SGMS1: variants seen among roughly 807,000 people sequenced by gnomAD.
SGMS1 encodes sphingomyelin synthase 1, also known as phosphatidylcholine:ceramide cholinephosphotransferase 1.
Under a neutral mutation model 46.2 loss-of-function variants are expected in SGMS1, and 13 were observed. The ratio of observed to expected loss-of-function variants is 0.28; its 90% CI spans 0.18 to 0.45. The LOEUF is 0.45. Ranked by LOEUF, SGMS1 falls within the 20% of genes least tolerant of loss-of-function variation. The probability of loss-of-function intolerance (pLI) is 1.00; values close to 1 mark genes in which losing one functional copy is unlikely to be tolerated. For synonymous variants in SGMS1, 203 were observed against 187.8 expected, an observed-to-expected ratio of 1.08 and a Z score of -0.66; for missense variants, 324 against 519.9, an observed-to-expected ratio of 0.62 and a Z score of 3.66.
intron 2 of SGMS1, among the ~76,000 whole-genome samples, chr10:50,576,006 A>G (rs1462203816): frequency 6.6e-6 from 1 of 152,104 alleles, no homozygotes; most frequent in African/African-American, 2.4e-5. Flanking sequence ...CACCAACCTC[A>G]GCGGCATCTG....
chr10:50,381,686 T>G (rs552304985), intron 6 of SGMS1, among the ~76,000 whole-genome samples: 1 of 152,282 alleles, frequency 6.6e-6, no homozygotes, highest in East Asian at 1.9e-4. Context: ...TTAACATTAA[T>G]AAAAGCCAAC....
At chr10:50,552,688 C>T (rs148247077) in intron 2 of SGMS1, among the ~76,000 whole-genome samples, 5 of 152,192 alleles carry the variant, frequency 3.3e-5, no homozygotes, top group Admixed American at 6.5e-5. Flanking sequence ...CCCCGTCCCC[C>T]GCCAAAAGAT....
At chr10:50,384,425 CCCTCTTCCTCCCTCTTT>C (rs1848652029) in intron 6 of SGMS1, among the ~76,000 whole-genome samples, 1 of 150,210 alleles carries the variant, frequency 6.7e-6, no homozygotes, top group African/African-American at 2.5e-5. Flanking sequence ...TTTCTCCTTT[CCCTCTTCCTCCCTCTTT>C]CCTCTCTTTC....
intron 6 of SGMS1, among the ~76,000 whole-genome samples, chr10:50,351,730 A>G (rs898381705): frequency 6.6e-6 from 1 of 152,224 alleles, no homozygotes; most frequent in African/African-American, 2.4e-5. Flanking sequence ...CTCCCTAGCC[A>G]TGTGGAACTG....
At chr10:50,557,685 CAAA>C (rs5784835) in intron 2 of SGMS1, among the ~76,000 whole-genome samples, 23 of 114,856 alleles carry the variant, frequency 2.0e-4, no homozygotes, top group Non-Finnish European at 2.0e-4. Context: ...ACTCTAACAG[CAAA>C]AAAAAAAAAA....
At chr10:50,616,056 T>C (rs1838793762) in intron 1 of SGMS1, among the ~76,000 whole-genome samples, 2 of 152,246 alleles carry the variant, frequency 1.3e-5, no homozygotes, top group African/African-American at 4.8e-5. Context: ...CACTTTGCTT[T>C]TCTGACTCTT....
chr10:50,623,047 C>A (rs540312907), intron 1 of SGMS1, among the ~76,000 whole-genome samples: 1 of 152,238 alleles, frequency 6.6e-6, no homozygotes, highest in East Asian at 1.9e-4. Context: ...GCGGGGGCAG[C>A]CCTGCGGGGT....
intron 5 of SGMS1, among the ~76,000 whole-genome samples, chr10:50,449,196 C>T (rs1367094412): frequency 6.6e-6 from 1 of 152,134 alleles, no homozygotes; most frequent in African/African-American, 2.4e-5. Flanking sequence ...TTTTGAGGTT[C>T]CGTTAGTTGA....
chr10:50,321,662 C>T (rs999163014), intron 8 of SGMS1, among the ~76,000 whole-genome samples: 2 of 152,172 alleles, frequency 1.3e-5, no homozygotes, highest in Non-Finnish European at 2.9e-5. Context: ...GCACACCATC[C>T]AACAGGATGG....
At chr10:50,328,147 G>A in intron 7 of SGMS1, 1 of 301,724 alleles carries the variant, frequency 3.3e-6, no homozygotes, top group South Asian at 2.8e-5. Flanking sequence ...CATGTATATT[G>A]AGTTAGATAA....
At chr10:50,557,184 T>C (rs1056242826) in intron 2 of SGMS1, among the ~76,000 whole-genome samples, 1 of 152,230 alleles carries the variant, frequency 6.6e-6, no homozygotes, top group Admixed American at 6.5e-5. Flanking sequence ...CAGTTCTTTG[T>C]AAACAGTACA....
In SGMS1 at chr10:50,345,126, T is replaced by A. The variant is rs145331829; in HGVS notation, c.-231-781A>T. On this transcript the variant is annotated intron_variant, in intron 6 of 10. Transcript: ENST00000361781. The stretch of plus-strand genomic sequence containing the variant: ...ACTGGTTTAATATTTTTATATTCTT[T>A]AAAAAAAAAAAATCAGTGAATCCCC... Among the ~76,000 whole-genome samples, 110 of 148,984 alleles carry A rather than the reference T, an allele frequency of 7.4e-4. 1 individual carries two copies. Among genetic ancestry groups the A allele is most frequent in the Middle Eastern group, 6.8e-3 (2 of 292 alleles).
rs367877543 is a variant in SGMS1 at position 50,426,258 on chromosome 10, TA to T, written c.-232+7217del. On this transcript the variant is annotated intron_variant, in intron 6 of 10. Transcript: ENST00000361781. ...CCAAAATGAAAGTATTTTTCGTTTA[TA>T]AAAAAATGTTTTAAGAGAAAATTAA... is the stretch of plus-strand genomic sequence containing the variant. Among the ~76,000 whole-genome samples, 69 of 152,314 alleles carry T rather than the reference TA, an allele frequency of 4.5e-4. 1 individual carries two copies. In the East Asian group the frequency reaches 8.7e-3, roughly 19 times the overall value.
chr10:50,602,959 TGAAAATGAAC>T (rs1838662018), intron 1 of SGMS1, among the ~76,000 whole-genome samples: 1 of 152,140 alleles, frequency 6.6e-6, no homozygotes. Flanking sequence ...GGAGAAAAGG[TGAAAATGAAC>T]GAGTTTAGAC....
chr10:50,352,947 T>C (rs968391626), intron 6 of SGMS1, among the ~76,000 whole-genome samples: 13 of 152,104 alleles, frequency 8.5e-5, no homozygotes, highest in African/African-American at 2.7e-4. Flanking sequence ...CAATAATCAA[T>C]AGCTTACCAA....
chr10:50,383,231 T>C (rs529491096), intron 6 of SGMS1, among the ~76,000 whole-genome samples: 10 of 152,312 alleles, frequency 6.6e-5, no homozygotes, highest in East Asian at 5.8e-4. Flanking sequence ...TGATATCACA[T>C]AGAAGAATTA....
chr10:50,496,454 C>T (rs1837615971), intron 3 of SGMS1, among the ~76,000 whole-genome samples: 1 of 152,304 alleles, frequency 6.6e-6, no homozygotes, highest in East Asian at 1.9e-4. Context: ...TCTACCACCA[C>T]TCCACACTAT....
intron 7 of SGMS1, among the ~76,000 whole-genome samples, chr10:50,341,601 C>A (rs188342485): frequency 6.6e-6 from 1 of 152,070 alleles, no homozygotes; most frequent in South Asian, 2.1e-4. Flanking sequence ...TAGACTGAGA[C>A]GTCATTATTC....
intron 2 of SGMS1, among the ~76,000 whole-genome samples, chr10:50,586,725 T>C (rs1412665143): frequency 2.0e-5 from 3 of 152,170 alleles, no homozygotes; most frequent in Non-Finnish European, 4.4e-5. Flanking sequence ...CACCCAATTC[T>C]CCCAAGTGTG....
Sources: gnomAD v4.1 joint callset for allele counts (sites outside exome capture counted in the v4.1 genomes callset) on GRCh38, gnomAD v4.1.1 for gene constraint, MANE v1.5 for transcripts, NCBI Gene and HGNC (gene_info 2026-07-23, HGNC 2026-07-21) for gene names.